The following CDH16 variants were observed in gnomAD, a reference collection of about 807,000 sequenced individuals.
CDH16 encodes cadherin 16.
CDH16 carries 79 observed loss-of-function variants against 87.6 expected under a neutral mutation model. The observed-to-expected ratio is 0.90, with a 90% CI of 0.75 to 1.09. CDH16 has a LOEUF of 1.09. CDH16 is among the 50% of genes least tolerant of loss of function. CDH16 has a pLI of 0.00. For missense variants in CDH16, 1,124 were observed against 1,071.7 expected, an observed-to-expected ratio of 1.05 and a Z score of -0.68; for synonymous variants, 457 against 439.5, an observed-to-expected ratio of 1.04 and a Z score of -0.50.
Position 66,912,650 on chromosome 16 carries a change from A to T in CDH16, c.1282+14T>A. 6.2e-7 allele frequency: 1 copy of T among 1,613,904 alleles called. No individual in the cohort carries two copies. ...AGGGGACAGGGGGCCTGGGTCACCA[A>T]TCAGGGCACTTACCACCCTCTGCGC... On this transcript the variant is annotated intron_variant, in intron 10 of 17. Transcript: ENST00000299752.
At position 66,915,301 on chromosome 16, in the gene CDH16, G is replaced by A. The variant is rs71392165; in HGVS notation, c.502C>T (p.Leu168=). 3 of 1,613,928 alleles carry A rather than the reference G, an allele frequency of 1.9e-6. No individual in the cohort carries two copies. In the East Asian group the frequency reaches 6.7e-5, roughly 36 times the overall value. The part of the protein sequence containing the change: ...TANSDLRFHI[L]SQAPAQPSPD... ...GAAGGCTGGGCTGGAGCCTGGCTCA[G>A]GATGTGGAATCGAAGATCCGAGTTG... is the stretch of plus-strand genomic sequence containing the variant. Residue 168 remains leucine, a synonymous_variant, in exon 6 of 18, where the codon CTG becomes TTG. Transcript: ENST00000299752.
rs778184442 is a variant in CDH16, at chr16:66,910,347, C to CG, written c.2079dup (p.Asp694ArgfsTer46). ...TAGGGACCGTGCCCACTGGCCAGAT[C>CG]GGGGTCCTTGCTGGGTCCACTCACG... On this transcript the variant is annotated frameshift_variant, in exon 15 of 18. Transcript: ENST00000299752. LOFTEE classifies it high-confidence loss of function. The CG allele has an allele frequency of 7.4e-6, 12 of 1,613,700 alleles. No individual in the cohort carries two copies. In the African/African-American group the frequency reaches 1.3e-4, roughly 18 times the overall value.
chr16:66,915,915 G>A, intron 5 of CDH16, 150 bp downstream of exon 5: 1 of 987,520 alleles, frequency 1.0e-6, no homozygotes, highest in Non-Finnish European at 1.5e-6. Context: ...AAGAAAAAAA[G>A]AAAAGAAAAA....
Position 66,910,401 on chromosome 16 carries a change from A to C in CDH16, c.2026T>G (p.Cys676Gly). 6.2e-7 allele frequency: 1 copy of C among 1,612,412 alleles called. No individual in the cohort carries two copies. The highest frequency in any genetic ancestry group is 1.1e-5 in the South Asian group (1 of 90,804). Residue 676 changes from cysteine to glycine, a missense_variant, in exon 15 of 18, where the codon TGC becomes GGC. Transcript: ENST00000299752. Reference sequence around the variant, plus strand: ...AAGCCATGGTCTTGGCGGGGTGTGCAGAGGTATTGGGAGGGCACAGGGGCA... The same window carrying C: ...AAGCCATGGTCTTGGCGGGGTGTGCCGAGGTATTGGGAGGGCACAGGGGCA... Reference protein sequence around the residue: ...TLAPVPSQYLCTPRQDHGLIV... With the variant: ...TLAPVPSQYLGTPRQDHGLIV...
chr16:66,912,234 G>GC lies in CDH16; in HGVS notation c.1548+7dup. On this transcript the variant is annotated splice_region_variant and intron_variant, in intron 12 of 17. Transcript: ENST00000299752. ...GTGGGCCCCTTTCCCAGCTACCCAG[G>GC]CCCTCACCTTGCAGAGTCTGAGTCT... The GC allele has an allele frequency of 6.2e-7, 1 of 1,604,164 alleles. No homozygotes were observed. The highest frequency in any genetic ancestry group is 1.1e-5 in the South Asian group (1 of 89,884).
At chr16:66,908,738 T>C (rs976783488) in intron 17 of CDH16, among the ~76,000 whole-genome samples, 1 of 152,230 alleles carries the variant, frequency 6.6e-6, no homozygotes, top group African/African-American at 2.4e-5. Context: ...CTTGGGGACA[T>C]CGGGGAACCA....
At chr16:66,917,495 G>A (rs886372473) in intron 3 of CDH16, 147 bp downstream of exon 3, 30 of 653,120 alleles carry the variant, frequency 4.6e-5, no homozygotes, top group Non-Finnish European at 7.5e-5. Context: ...TTTCAGATAG[G>A]GGACACTCAA....
In CDH16 at chr16:66,910,081, T is replaced by C. The variant is rs555068330; in HGVS notation, c.2180A>G (p.Tyr727Cys). 1 of 1,611,550 alleles carries C rather than the reference T, an allele frequency of 6.2e-7. No individual in the cohort carries two copies. Among genetic ancestry groups the C allele is most frequent in the South Asian group, 1.1e-5 (1 of 90,728 alleles). Residue 727 changes from tyrosine to cysteine, a missense_variant, in exon 16 of 18, where the codon TAC becomes TGC. By Grantham distance (194) the Tyr-to-Cys change is radical. Transcript: ENST00000299752. Reference protein sequence around the residue: ...RLQTLNGSHAYLTLALHWVEP... With the variant: ...RLQTLNGSHACLTLALHWVEP... ...CACCCAATGCAGGGCCAAGGTGAGGTAGGCATGGGAACCTTTTGGGACAGC... is the reference window on the plus strand; with the variant it reads ...CACCCAATGCAGGGCCAAGGTGAGGCAGGCATGGGAACCTTTTGGGACAGC...
rs1008140767 is a variant in CDH16, at chr16:66,909,660, A to T, written c.2276-277T>A. Among the ~76,000 whole-genome samples, 1 of 152,114 alleles carries T rather than the reference A, an allele frequency of 6.6e-6. No individual in the cohort carries two copies. Among genetic ancestry groups the T allele is most frequent in the Non-Finnish European group, 1.5e-5 (1 of 68,008 alleles). On this transcript the variant is annotated intron_variant, in intron 16 of 17. Coordinates refer to ENST00000299752, the MANE Select transcript of CDH16 (RefSeq NM_004062.4). The surrounding 1 kb of genome is among the most constrained non-coding windows in gnomAD (Gnocchi z 4.1). ...AAAATACAAAAATTAGCAGGGCATG[A>T]TGGTGCACACCTGTAATCCCAGCTT...
chr16:66,917,798 G>T, intron 2 of CDH16, 73 bp from the exon 3 acceptor site: 1 of 1,342,264 alleles, frequency 7.5e-7, no homozygotes, highest in Non-Finnish European at 1.0e-6. Flanking sequence ...CAGAAGAGCG[G>T]AATTTCCGCC....
In CDH16 at chr16:66,912,330, T is replaced by A. The variant is rs759500751; in HGVS notation, c.1460A>T (p.Asp487Val). ...TGTGTCTCCCCTCTCAATGGCAAAATCCATGAGGCGGAAGGCGGGCTCGAG... is the reference window on the plus strand; with the variant it reads ...TGTGTCTCCCCTCTCAATGGCAAAAACCATGAGGCGGAAGGCGGGCTCGAG... ...ADLEPAFRLM[D>V]FAIERGDTEG... The change falls in exon 12 of 18, where the codon GAT becomes GTT. Residue 487 changes from aspartate to valine, a missense_variant. By Grantham distance (152) the Asp-to-Val change is radical (BLOSUM62 -3). Transcript: ENST00000299752. 4.3e-5 allele frequency: 69 copies of A among 1,613,752 alleles called. No individual in the cohort carries two copies. The highest frequency in any genetic ancestry group is 5.7e-5 in the Non-Finnish European group (67 of 1,179,958).
chr16:66,910,177 C>T (rs1042125154), intron 15 of CDH16, 83 bp downstream of exon 15: 4 of 1,555,942 alleles, frequency 2.6e-6, no homozygotes, highest in Middle Eastern at 1.7e-4. Context: ...AGCCCCACCC[C>T]CATGGTAGAA....
chr16:66,918,018 C>T lies in CDH16; in HGVS notation c.45+3G>A. On this transcript the variant is annotated splice_donor_region_variant and intron_variant, in intron 2 of 17. Coordinates refer to ENST00000299752, the MANE Select transcript of CDH16 (RefSeq NM_004062.4). ...GAAGGAGAGGGGGCAGGGCCTAGCTCACCTGGGGGACGGAGACACAAAGCA... is the reference window on the plus strand; with the variant it reads ...GAAGGAGAGGGGGCAGGGCCTAGCTTACCTGGGGGACGGAGACACAAAGCA... 1 of 1,577,600 alleles carries T rather than the reference C, an allele frequency of 6.3e-7. No homozygotes were observed. The highest frequency in any genetic ancestry group is 8.6e-7 in the Non-Finnish European group (1 of 1,161,386).
In CDH16 at chr16:66,910,287, G is replaced by A. The variant is rs746385233; in HGVS notation, c.2140C>T (p.Arg714Trp). The A allele has an allele frequency of 2.2e-5, 36 of 1,609,640 alleles. No individual in the cohort carries two copies. The highest frequency in any genetic ancestry group is 2.9e-5 in the Non-Finnish European group (34 of 1,177,730). Residue 714 changes from arginine (R) to tryptophan (W), a missense_variant, in exon 15 of 18, where the codon CGG becomes TGG. Coordinates refer to ENST00000299752, the MANE Select transcript of CDH16 (RefSeq NM_004062.4). ...TTGAGAGTCTGGAGGCGCCAATCCC[G>A]TTGCACCGTGGGGTTGGGACCAAGG... ...FTLGPNPTVQ[R>W]DWRLQTLNGS...
chr16:66,909,166 C>T lies in CDH16; in HGVS notation c.2392+101G>A. The T allele has an allele frequency of 1.3e-6, 1 of 779,808 alleles. No individual in the cohort carries two copies. Among genetic ancestry groups the T allele is most frequent in the Non-Finnish European group, 2.3e-6 (1 of 440,012 alleles). 48.3% of individuals were successfully genotyped at this position (779,808 alleles called of 1,614,324 possible). A position where few individuals can be genotyped will look rare whatever the true frequency, so the allele number is the denominator to read the frequency against. ...TAGGAGAGTTGGGGGCTTCCTTTTTCAGAGCTAGGGGCACCATGGGGACAA... is the reference window on the plus strand; with the variant it reads ...TAGGAGAGTTGGGGGCTTCCTTTTTTAGAGCTAGGGGCACCATGGGGACAA... On this transcript the variant is annotated intron_variant, in intron 17 of 17. Transcript: ENST00000299752. The surrounding 1 kb of genome is among the most constrained non-coding windows in gnomAD (Gnocchi z 4.1).
intron 9 of CDH16, 89 bp from the exon 10 acceptor site, chr16:66,912,980 G>T: frequency 7.0e-7 from 1 of 1,427,492 alleles, no homozygotes; most frequent in Non-Finnish European, 9.7e-7. Flanking sequence ...AAACTAAACT[G>T]AATTTGAGCT....
chr16:66,913,591 A>G lies in CDH16; in HGVS notation c.803T>C (p.Val268Ala), dbSNP rs755176810. The change falls in exon 8 of 18, where the codon GTG becomes GCG. Residue 268 changes from valine (V) to alanine (A), a missense_variant. Val to Ala is a moderately conservative substitution (Grantham distance 64, BLOSUM62 0). Transcript: ENST00000299752. ...GGGATGGCTCTCCAGGTGATAGTGC[A>G]CATCACCCCCACTCCAGTGTACCTG... ...MAQVHWSGGD[V>A]HYHLESHPPG... The G allele has an allele frequency of 3.1e-6, 5 of 1,613,882 alleles. No homozygotes were observed. In the African/African-American group the frequency reaches 6.7e-5, roughly 22 times the overall value.
At chr16:66,917,581 G>A in intron 3 of CDH16, 61 bp downstream of exon 3, 3 of 1,174,270 alleles carry the variant, frequency 2.6e-6, no homozygotes, top group South Asian at 2.5e-5. Flanking sequence ...GCCAGAGGAA[G>A]GAGAAGCAGG....
Position 66,909,894 on chromosome 16 carries a change from T to G in CDH16, c.2275+92A>C. 3.3e-6 allele frequency: 3 copies of G among 908,938 alleles called. No individual in the cohort carries two copies. Among genetic ancestry groups the G allele is most frequent in the Non-Finnish European group, 3.5e-6 (2 of 576,166 alleles). 56.3% of individuals were successfully genotyped at this position (908,938 alleles called of 1,614,324 possible). On this transcript the variant is annotated intron_variant, in intron 16 of 17. Coordinates refer to ENST00000299752, the MANE Select transcript of CDH16 (RefSeq NM_004062.4). The surrounding 1 kb of genome is among the most constrained non-coding windows in gnomAD (Gnocchi z 4.1). The stretch of plus-strand genomic sequence containing the variant: ...TGTGCACAGGCATGTGCTGTCCACA[T>G]GAGCAGCCTGTATGCATGTGTACCA...
Sources: gnomAD v4.1 joint callset for allele counts (sites outside exome capture counted in the v4.1 genomes callset) on GRCh38, gnomAD v4.1.1 for gene constraint, Gnocchi (gnomAD v3.1) non-coding constraint, MANE v1.5 for transcripts, NCBI Gene and HGNC (gene_info 2026-07-23, HGNC 2026-07-21) for gene names.